Variants in MMP16 observed in about 807,000 individuals in gnomAD.
The protein encoded by MMP16 is matrix metallopeptidase 16.
A neutral mutation model predicts 67.8 loss-of-function variants in MMP16; 12 were observed. The observed-to-expected ratio is 0.18, with a 90% CI of 0.11 to 0.29. The LOEUF is 0.29. Among genes scored for constraint, MMP16 ranks in the 10% least tolerant of loss-of-function variants. The pLI is 1.00. For missense variants in MMP16, 475 were observed against 765.7 expected (o/e 0.62, Z 4.48); for synonymous variants, 249 against 255.9 (o/e 0.97, Z 0.26).
chr8:88,094,691 AG>A (rs1466833279), intron 6 of MMP16, among the ~76,000 whole-genome samples: 9 of 151,914 alleles, frequency 5.9e-5, no homozygotes, highest in African/African-American at 2.2e-4. Context: ...ACATCTCAAA[AG>A]AAGTTATGTC....
intron 4 of MMP16, among the ~76,000 whole-genome samples, chr8:88,158,167 A>G (rs1451547868): frequency 6.6e-6 from 1 of 152,168 alleles, no homozygotes; most frequent in Non-Finnish European, 1.5e-5. Context: ...CATGATTTAT[A>G]GTCCTTTGGG....
At chr8:88,168,848 G>A (rs1202239034) in intron 3 of MMP16, among the ~76,000 whole-genome samples, 1 of 151,838 alleles carries the variant, frequency 6.6e-6, no homozygotes, top group Non-Finnish European at 1.5e-5. Context: ...TCATATCTAT[G>A]AACTTACACT....
In MMP16 at chr8:88,074,721, C is replaced by T; in HGVS notation, c.1106G>A (p.Arg369Lys). The part of the protein sequence containing the change: ...VFKDQWFWRV[R>K]NNRVMDGYPM... ...GTATCCATCCATCACCCTGTTGTTT[C>T]TCACTCGCCAAAACCACTGGTCCTG... The change falls in exon 7 of 10, where the codon AGA (arginine) becomes AAA (lysine). Residue 369 changes from arginine (R) to lysine (K), a missense_variant. Physicochemically the swap from Arg to Lys is conservative, Grantham distance 26 (BLOSUM62 2). Transcript: ENST00000286614. 1 of 1,612,858 alleles carries T rather than the reference C, an allele frequency of 6.2e-7. No homozygotes were observed. Among genetic ancestry groups the T allele is most frequent in the Non-Finnish European group, 8.5e-7 (1 of 1,179,286 alleles).
intron 6 of MMP16, among the ~76,000 whole-genome samples, chr8:88,088,064 TA>T (rs1460427568): frequency 3.0e-5 from 3 of 101,630 alleles, no homozygotes; most frequent in African/African-American, 1.2e-4. Flanking sequence ...TATCTATATA[TA>T]ATAGATATCT....
intron 8 of MMP16, among the ~76,000 whole-genome samples, chr8:88,054,641 T>C (rs932779367): frequency 2.0e-5 from 3 of 152,216 alleles, no homozygotes; most frequent in African/African-American, 7.2e-5. Flanking sequence ...TTAAAATCTA[T>C]GAGCATTTTG....
chr8:88,042,990 A>T (rs1005920104), intron 9 of MMP16, among the ~76,000 whole-genome samples: 2 of 152,202 alleles, frequency 1.3e-5, no homozygotes, highest in African/African-American at 4.8e-5. Flanking sequence ...CCTATTTTTG[A>T]TACAAGGCAA....
At position 88,039,603 on chromosome 8, in the gene MMP16, A is replaced by T. The variant is rs913350292; in HGVS notation, c.*1858T>A. 2 of 152,642 alleles carry T rather than the reference A, an allele frequency of 1.3e-5. No homozygotes were observed. Among genetic ancestry groups the T allele is most frequent in the Admixed American group, 6.6e-5 (1 of 15,262 alleles). 9.5% of individuals were successfully genotyped at this position (152,642 alleles called of 1,614,324 possible). ...AGTTGTTGTTAATGACAGTCAATAG[A>T]TCAATAATCAAGTTCAAGGCAAGCT... On this transcript the variant is annotated 3_prime_UTR_variant, in exon 10 of 10. Transcript: ENST00000286614. The surrounding 1 kb of genome is among the most constrained non-coding windows in gnomAD (Gnocchi z 4.5).
chr8:88,197,780 T>C (rs1405378229), intron 1 of MMP16, among the ~76,000 whole-genome samples: 2 of 152,198 alleles, frequency 1.3e-5, no homozygotes, highest in Non-Finnish European at 1.5e-5. Flanking sequence ...ACGTGTAGCA[T>C]CTTTACAGAT....
intron 1 of MMP16, among the ~76,000 whole-genome samples, chr8:88,258,884 A>G (rs1371834019): frequency 6.6e-6 from 1 of 152,240 alleles, no homozygotes; most frequent in African/African-American, 2.4e-5. Context: ...TCTATTTAAC[A>G]TATCTTAAGT....
chr8:88,180,628 A>C (rs1382521855), intron 3 of MMP16, among the ~76,000 whole-genome samples: 1 of 152,120 alleles, frequency 6.6e-6, no homozygotes, highest in Non-Finnish European at 1.5e-5. Flanking sequence ...GCAAGAAAAC[A>C]TGTTACTAAA....
chr8:88,254,108 C>T (rs184477249), intron 1 of MMP16, among the ~76,000 whole-genome samples: 28 of 152,244 alleles, frequency 1.8e-4, no homozygotes, highest in African/African-American at 6.5e-4. Context: ...GGTACATATA[C>T]ATCATGGAAT....
At chr8:88,188,112 C>A (rs1809102547) in intron 2 of MMP16, among the ~76,000 whole-genome samples, 1 of 152,094 alleles carries the variant, frequency 6.6e-6, no homozygotes, top group South Asian at 2.1e-4. Flanking sequence ...TTCTCTGTAT[C>A]TTGCACAACT....
intron 4 of MMP16, among the ~76,000 whole-genome samples, chr8:88,133,028 CTAGGTCTA>C (rs1312562928): frequency 1.3e-5 from 2 of 151,944 alleles, no homozygotes; most frequent in Admixed American, 6.6e-5. Context: ...GGATTCAAAC[CTAGGTCTA>C]CTGTATTCAA....
chr8:88,102,823 G>A (rs1809168119), intron 6 of MMP16, among the ~76,000 whole-genome samples: 1 of 151,762 alleles, frequency 6.6e-6, no homozygotes, highest in African/African-American at 2.4e-5. Flanking sequence ...TAGTCCACTT[G>A]CCCAAATCTC....
chr8:88,264,353 C>T (rs971949195), intron 1 of MMP16, among the ~76,000 whole-genome samples: 7 of 152,090 alleles, frequency 4.6e-5, no homozygotes, highest in Non-Finnish European at 8.8e-5. Flanking sequence ...GCATGCATCA[C>T]CACACCCGGC....
In MMP16 at chr8:88,037,572, A is replaced by G. The variant is rs186446035; in HGVS notation, c.*3889T>C. ...ATAATGCTGTCTAATTTAGCTCTAT[A>G]ACCTTTGCAATCAGAAAGAGCATCT... On this transcript the variant is annotated 3_prime_UTR_variant, in exon 10 of 10. Transcript: ENST00000286614. The G allele has an allele frequency of 2.6e-5, 4 of 152,030 alleles. No homozygotes were observed. In the East Asian group the frequency reaches 7.8e-4, roughly 29 times the overall value. The allele number at this position is 152,030 out of a possible 1,614,324, so 9.4% of individuals were successfully genotyped here. A position where few individuals can be genotyped will look rare whatever the true frequency, so the allele number is the denominator to read the frequency against.
intron 4 of MMP16, among the ~76,000 whole-genome samples, chr8:88,129,287 T>G (rs1376863697): frequency 6.6e-6 from 1 of 151,804 alleles, no homozygotes; most frequent in Non-Finnish European, 1.5e-5. Flanking sequence ...TTCAGTTCAT[T>G]GCCACCTAAT....
At chr8:88,087,367 T>G (rs1484997302) in intron 6 of MMP16, among the ~76,000 whole-genome samples, 1 of 151,884 alleles carries the variant, frequency 6.6e-6, no homozygotes, top group African/African-American at 2.4e-5. Flanking sequence ...AAAGACTTCT[T>G]GCTTTTTAGC....
At chr8:88,067,068 A>G (rs780950034) in intron 7 of MMP16, among the ~76,000 whole-genome samples, 16 of 152,068 alleles carry the variant, frequency 1.1e-4, no homozygotes, top group Non-Finnish European at 1.9e-4. Flanking sequence ...GAATATTTAT[A>G]ATATTTCTTC....
Sources: allele counts gnomAD v4.1 joint callset (sites outside exome capture counted in the v4.1 genomes callset), GRCh38; gene constraint gnomAD v4.1.1; non-coding constraint Gnocchi (gnomAD v3.1); transcripts MANE v1.5; gene names NCBI Gene and HGNC (gene_info 2026-07-23, HGNC 2026-07-21).